The following ACSS3 variants were observed in gnomAD, a reference collection of about 807,000 sequenced individuals.
The protein encoded by ACSS3 is acyl-CoA synthetase short-chain family member 3, mitochondrial.
ACSS3 carries 64 observed loss-of-function variants against 84.2 expected under a neutral mutation model. The observed-to-expected ratio is 0.76, with a 90% confidence interval of 0.62 to 0.94. ACSS3 has a LOEUF of 0.94. Among genes scored for constraint, ACSS3 ranks in the 40% least tolerant of loss-of-function variants. The pLI, the probability that ACSS3 is intolerant of heterozygous loss-of-function variation, is 0.00. For missense variants in ACSS3, 815 were observed against 867.6 expected (o/e 0.94, Z 0.76); for synonymous variants, 317 against 310.1 (o/e 1.02, Z -0.23).
At chr12:81,097,998 G>T (rs1010905273) in intron 1 of ACSS3, among the ~76,000 whole-genome samples, 1 of 152,094 alleles carries the variant, frequency 6.6e-6, no homozygotes, top group Non-Finnish European at 1.5e-5. Flanking sequence ...CTTGGGCAGC[G>T]CCACTGTCTG....
intron 5 of ACSS3, among the ~76,000 whole-genome samples, chr12:81,147,241 T>C (rs1247632018): frequency 6.6e-6 from 1 of 152,192 alleles, no homozygotes; most frequent in African/African-American, 2.4e-5. Context: ...ATAGAAACTT[T>C]TTATGCCTTC....
At chr12:81,141,333 A>G (rs577754089) in intron 4 of ACSS3, among the ~76,000 whole-genome samples, 2 of 152,234 alleles carry the variant, frequency 1.3e-5, no homozygotes, top group African/African-American at 4.8e-5. Context: ...GAATTTAGAG[A>G]GACACAAATT....
At chr12:81,081,827 A>G (rs890062494) in intron 1 of ACSS3, among the ~76,000 whole-genome samples, 1 of 152,246 alleles carries the variant, frequency 6.6e-6, no homozygotes, top group African/African-American at 2.4e-5. Context: ...AAAATAACTT[A>G]AGCTTGGCTA....
At chr12:81,208,844 T>C (rs752468172) in intron 9 of ACSS3, among the ~76,000 whole-genome samples, 1 of 152,182 alleles carries the variant, frequency 6.6e-6, no homozygotes, top group Non-Finnish European at 1.5e-5. Flanking sequence ...GTCTAACTTC[T>C]GAACCTTTAT....
rs142327413 is a variant in ACSS3, at chr12:81,249,784, C to T, written c.1720-3523C>T. On this transcript the variant is annotated intron_variant, in intron 13 of 15. Transcript: ENST00000548058. ...TTTTTAAAAATCTGTCTTCTTCGAA[C>T]CATTGCATAGACAATATTGCACTGC... Among the ~76,000 whole-genome samples the T allele has an allele frequency of 2.2e-3, 336 of 152,128 alleles. 3 individuals are homozygous for T. Among genetic ancestry groups the T allele is most frequent in the African/African-American group, 7.9e-3 (328 of 41,548 alleles).
At chr12:81,165,616 C>T (rs1486270860) in intron 7 of ACSS3, among the ~76,000 whole-genome samples, 1 of 151,540 alleles carries the variant, frequency 6.6e-6, no homozygotes, top group Non-Finnish European at 1.5e-5. Context: ...ACTGCACTTG[C>T]AGCCTGGCAA....
At chr12:81,208,036 C>T (rs1221368118) in intron 9 of ACSS3, among the ~76,000 whole-genome samples, 5 of 152,130 alleles carry the variant, frequency 3.3e-5, no homozygotes, top group Admixed American at 2.0e-4. Flanking sequence ...ACAAAGATTA[C>T]ATTGATTTTC....
chr12:81,243,613 T>C (rs970718147), intron 13 of ACSS3, among the ~76,000 whole-genome samples: 1 of 152,102 alleles, frequency 6.6e-6, no homozygotes, highest in South Asian at 2.1e-4. Context: ...CAAACTATAC[T>C]ACAAGGCTAC....
chr12:81,112,055 G>A lies in ACSS3; in HGVS notation c.456+2351G>A, dbSNP rs12314122. Among the ~76,000 whole-genome samples, 293 of 152,298 alleles carry A rather than the reference G, an allele frequency of 1.9e-3. 1 individual carries two copies. The highest frequency in any genetic ancestry group is 6.9e-3 in the African/African-American group (288 of 41,580). On this transcript the variant is annotated intron_variant, in intron 2 of 15. Transcript: ENST00000548058. ...TTAGAAAGGCACTCTGTTACCAAATGAGCTTGTTATTCTTACGAGGCTGCA... is the reference window on the plus strand; with the variant it reads ...TTAGAAAGGCACTCTGTTACCAAATAAGCTTGTTATTCTTACGAGGCTGCA...
At chr12:81,183,778 G>A (rs542496025) in intron 8 of ACSS3, among the ~76,000 whole-genome samples, 1 of 152,018 alleles carries the variant, frequency 6.6e-6, no homozygotes, top group Non-Finnish European at 1.5e-5. Context: ...CCCAGTATTG[G>A]ATGAGCTAAA....
Position 81,151,981 on chromosome 12 carries a change from T to C in ACSS3, c.1003-20T>C, listed in dbSNP as rs777300115. 3.1e-6 allele frequency: 5 copies of C among 1,612,120 alleles called. No homozygotes were observed. The African/African-American group carries it at 6.7e-5, about 22-fold the overall frequency. On this transcript the variant is annotated intron_variant, in intron 6 of 15. Coordinates refer to ENST00000548058, the MANE Select transcript of ACSS3 (RefSeq NM_024560.4). ...CATTCTCTGAATAAAATATATTCATTTTATTATCTTATTTTTTAGGTGTGG... is the reference window on the plus strand; with the variant it reads ...CATTCTCTGAATAAAATATATTCATCTTATTATCTTATTTTTTAGGTGTGG...
At chr12:81,119,284 C>T (rs2121529273) in intron 2 of ACSS3, among the ~76,000 whole-genome samples, 1 of 152,120 alleles carries the variant, frequency 6.6e-6, no homozygotes, top group African/African-American at 2.4e-5. Flanking sequence ...GATCACAAGG[C>T]AAAGGGCAAA....
At position 81,152,106 on chromosome 12, in the gene ACSS3, T is replaced by C; in HGVS notation, c.1098+10T>C. 1 of 1,585,306 alleles carries C rather than the reference T, an allele frequency of 6.3e-7. No homozygotes were observed. The highest frequency in any genetic ancestry group is 8.6e-7 in the Non-Finnish European group (1 of 1,156,352). On this transcript the variant is annotated intron_variant, in intron 7 of 15. Transcript: ENST00000548058. Reference sequence around the variant, plus strand: ...AACAGTTTTATATGAGGTAATAAAGTAAAGTTAATACCACATATAAATGAT... The same window carrying C: ...AACAGTTTTATATGAGGTAATAAAGCAAAGTTAATACCACATATAAATGAT...
At chr12:81,189,503 G>C (rs1275056558) in intron 8 of ACSS3, among the ~76,000 whole-genome samples, 2 of 152,070 alleles carry the variant, frequency 1.3e-5, no homozygotes, top group Non-Finnish European at 2.9e-5. Flanking sequence ...CCATTGGAAG[G>C]TCCTCTTTTA....
chr12:81,198,131 C>T (rs2031922533), intron 8 of ACSS3, among the ~76,000 whole-genome samples: 1 of 152,186 alleles, frequency 6.6e-6, no homozygotes, highest in Non-Finnish European at 1.5e-5. Context: ...ACTCTTCTTT[C>T]ACTTAGAAGA....
chr12:81,216,155 A>G (rs1174466446), intron 9 of ACSS3, among the ~76,000 whole-genome samples: 1 of 151,330 alleles, frequency 6.6e-6, no homozygotes, highest in Non-Finnish European at 1.5e-5. Flanking sequence ...AAGACATTTT[A>G]TTAAAATGTT....
At position 81,100,767 on chromosome 12, in the gene ACSS3, C is replaced by CT. The variant is rs1432300410; in HGVS notation, c.312-8793_312-8792insT. On this transcript the variant is annotated intron_variant, in intron 1 of 15. Transcript: ENST00000548058. ...CACTCAGAGATATAGGCTGACAGTA[C>CT]AGTCAACATTTGGGATGTCACAGGC... Among the ~76,000 whole-genome samples, 118 of 152,316 alleles carry CT rather than the reference C, an allele frequency of 7.7e-4. 1 individual carries two copies. Among genetic ancestry groups the CT allele is most frequent in the African/African-American group, 2.6e-3 (110 of 41,586 alleles).
Position 81,099,121 on chromosome 12 carries a change from T to A in ACSS3, c.312-10439T>A, listed in dbSNP as rs796977615. Among the ~76,000 whole-genome samples the A allele has an allele frequency of 1.4e-4, 21 of 152,298 alleles. No individual in the cohort carries two copies. The South Asian group carries it at 3.3e-3, about 24-fold the overall frequency. On this transcript the variant is annotated intron_variant, in intron 1 of 15. Transcript: ENST00000548058. Reference sequence around the variant, plus strand: ...CTTCTTATGAGTTAATGAATTTTTTTATAAAGATTATATATTCACCTTTTT... The same window carrying A: ...CTTCTTATGAGTTAATGAATTTTTTAATAAAGATTATATATTCACCTTTTT...
intron 1 of ACSS3, among the ~76,000 whole-genome samples, chr12:81,091,649 A>AAATACTTT (rs1407206830): frequency 6.6e-6 from 1 of 152,020 alleles, no homozygotes; most frequent in African/African-American, 2.4e-5. Context: ...CATTAGTAAA[A>AAATACTTT]AATACTTTAA....
Sources: gnomAD v4.1 joint callset for allele counts (sites outside exome capture counted in the v4.1 genomes callset) on GRCh38, gnomAD v4.1.1 for gene constraint, MANE v1.5 for transcripts, NCBI Gene and HGNC (gene_info 2026-07-23, HGNC 2026-07-21) for gene names.